Variants in CCDC171 observed in about 807,000 individuals in gnomAD.
CCDC171 encodes the protein coiled-coil domain-containing protein 171.
CCDC171 carries 177 observed loss-of-function variants against 168.2 expected under a neutral mutation model. The ratio of observed to expected loss-of-function variants is 1.05; its 90% CI spans 0.93 to 1.19. The LOEUF (loss-of-function observed/expected upper bound fraction) is 1.19. Ranked by LOEUF, CCDC171 falls within the 50% of genes most tolerant of loss-of-function variation. The pLI is 0.00. For synonymous variants in CCDC171, 687 were observed against 540.8 expected, an observed-to-expected ratio of 1.27 and a Z score of -3.75; for missense variants, 1,991 against 1,539.0, an observed-to-expected ratio of 1.29 and a Z score of -4.91.
At chr9:15,752,972 T>C (rs1210597538) in intron 18 of CCDC171, among the ~76,000 whole-genome samples, 1 of 152,166 alleles carries the variant, frequency 6.6e-6, no homozygotes, top group Non-Finnish European at 1.5e-5. Flanking sequence ...TCTTAAGCTA[T>C]CTTCTTGTTT....
chr9:15,854,915 T>G (rs929368368), intron 23 of CCDC171, among the ~76,000 whole-genome samples: 5 of 151,790 alleles, frequency 3.3e-5, no homozygotes, highest in Non-Finnish European at 5.9e-5. Context: ...TGCTATGGAG[T>G]TATACTTTAA....
intron 25 of CCDC171, among the ~76,000 whole-genome samples, chr9:15,934,654 A>G (rs1419121035): frequency 5.9e-5 from 9 of 152,052 alleles, no homozygotes; most frequent in Non-Finnish European, 1.3e-4. Context: ...TCCTGCATAT[A>G]TACCCAAAAG....
the CCDC171 span, among the ~76,000 whole-genome samples, chr9:16,105,970 A>C: frequency 1.4e-4 from 22 of 152,330 alleles, no homozygotes; most frequent in African/African-American, 5.3e-4. Flanking sequence ...CATTTGCATT[A>C]ACGACCTGCT....
intron 18 of CCDC171, among the ~76,000 whole-genome samples, chr9:15,749,837 A>G (rs1031668835): frequency 2.0e-5 from 3 of 152,198 alleles, no homozygotes; most frequent in African/African-American, 7.2e-5. Context: ...GTAGAGGGGA[A>G]TTTATAGTAC....
chr9:15,556,820 C>T (rs954577627), intron 1 of CCDC171, among the ~76,000 whole-genome samples: 2 of 152,026 alleles, frequency 1.3e-5, no homozygotes, highest in Non-Finnish European at 2.9e-5. Context: ...TTGCCCATGC[C>T]TATGTCCTGA....
intron 24 of CCDC171, among the ~76,000 whole-genome samples, chr9:15,877,355 T>G (rs868692935): frequency 2.6e-5 from 4 of 152,300 alleles, no homozygotes; most frequent in South Asian, 4.1e-4. Context: ...AAAGATGAAG[T>G]AAGCAACAGT....
chr9:16,103,255 C>G, the CCDC171 span, among the ~76,000 whole-genome samples: 1,886 of 152,308 alleles, frequency 0.012, 20 homozygotes, highest in Non-Finnish European at 0.021. Flanking sequence ...GAGAAGGGCA[C>G]TCACAGTCAC....
intron 8 of CCDC171, chr9:16,036,276 G>C (rs1833465764): frequency 1.3e-5 from 2 of 152,234 alleles, no homozygotes; most frequent in Admixed American, 6.5e-5. Context: ...ATTTGTGAAT[G>C]CTGAGACCTA....
At chr9:16,088,475 T>G in the CCDC171 span, among the ~76,000 whole-genome samples, 1 of 152,164 alleles carries the variant, frequency 6.6e-6, no homozygotes. Flanking sequence ...AAAACCCCAT[T>G]GTCTCAGCCC....
intron 6 of CCDC171, among the ~76,000 whole-genome samples, chr9:15,605,163 T>C (rs2043129378): frequency 6.6e-6 from 1 of 152,094 alleles, no homozygotes; most frequent in African/African-American, 2.4e-5. Context: ...TCCCAAAGTA[T>C]TGAGATTACA....
At chr9:15,845,402 A>G (rs1444326278) in intron 21 of CCDC171, among the ~76,000 whole-genome samples, 1 of 152,078 alleles carries the variant, frequency 6.6e-6, no homozygotes, top group Non-Finnish European at 1.5e-5. Context: ...TAACTCGACT[A>G]TTTGAAAAGT....
chr9:15,742,650 A>G (rs1050655115), intron 16 of CCDC171, among the ~76,000 whole-genome samples: 3 of 152,218 alleles, frequency 2.0e-5, no homozygotes, highest in Non-Finnish European at 4.4e-5. Flanking sequence ...GTTCTGGGAC[A>G]TAGTCCCATT....
chr9:15,841,367 G>A (rs2130631390), intron 21 of CCDC171, among the ~76,000 whole-genome samples: 1 of 152,144 alleles, frequency 6.6e-6, no homozygotes, highest in East Asian at 1.9e-4. Flanking sequence ...GTTACATGTA[G>A]AAGTGTAATT....
chr9:16,005,203 A>G (rs865874876), intron 3 of CCDC171, among the ~76,000 whole-genome samples: 1 of 152,216 alleles, frequency 6.6e-6, no homozygotes, highest in Admixed American at 6.5e-5. Flanking sequence ...TCTACATTCT[A>G]TCTGTATAGA....
chr9:15,910,069 CTGAGT>C (rs1377311834), intron 24 of CCDC171, among the ~76,000 whole-genome samples: 1 of 152,066 alleles, frequency 6.6e-6, no homozygotes, highest in Non-Finnish European at 1.5e-5. Flanking sequence ...CTTTCTGTCT[CTGAGT>C]TATTTCACTT....
Position 15,848,834 on chromosome 9 carries a change from G to A in CCDC171, c.3414-59G>A, listed in dbSNP as rs1390944250. On this transcript the variant is annotated intron_variant, in intron 22 of 25. Coordinates refer to ENST00000380701, the MANE Select transcript of CCDC171 (RefSeq NM_173550.4). ...TAATACCAGTGACTTATACTAAAAT[G>A]TGTAACAGTTGTAGTAAGGTTTGAG... is the stretch of plus-strand genomic sequence containing the variant. The A allele has an allele frequency of 2.0e-5, 18 of 895,174 alleles. No homozygotes were observed. In the East Asian group the frequency reaches 2.9e-4, roughly 14 times the overall value. 55.5% of individuals were successfully genotyped at this position (895,174 alleles called of 1,614,324 possible). A position where few individuals can be genotyped will look rare whatever the true frequency, so the allele number is the denominator to read the frequency against.
At chr9:15,589,920 C>T (rs2041858329) in intron 4 of CCDC171, among the ~76,000 whole-genome samples, 1 of 152,032 alleles carries the variant, frequency 6.6e-6, no homozygotes, top group South Asian at 2.1e-4. Flanking sequence ...GATAAATCAT[C>T]AATGAAAATA....
intron 10 of CCDC171, among the ~76,000 whole-genome samples, chr9:15,684,532 C>T (rs2050249860): frequency 6.6e-6 from 1 of 151,882 alleles, no homozygotes; most frequent in South Asian, 2.1e-4. Context: ...TTATATGTTT[C>T]TTCAAGGCTC....
chr9:16,028,385 T>C lies in CCDC171; in HGVS notation n.998+5477T>C, dbSNP rs113567382. Among the ~76,000 whole-genome samples, 35 of 152,288 alleles carry C rather than the reference T, an allele frequency of 2.3e-4. 1 individual carries two copies. The highest frequency in any genetic ancestry group is 7.9e-4 in the African/African-American group (33 of 41,572). ...AGATGATACTCAGCGATGTGGGTAC[T>C]AAAGCAGACCAAAGTAGATCTAGTA... On this transcript the variant is annotated intron_variant and non_coding_transcript_variant, in intron 6 of 9. Transcript: ENST00000486641.
Sources: gnomAD v4.1 joint callset for allele counts (sites outside exome capture counted in the v4.1 genomes callset) on GRCh38, gnomAD v4.1.1 for gene constraint, MANE v1.5 for transcripts, NCBI Gene and HGNC (gene_info 2026-07-23, HGNC 2026-07-21) for gene names.